MYLK: variants seen among roughly 807,000 people sequenced by gnomAD.
MYLK encodes myosin light chain kinase.
MYLK carries 106 observed loss-of-function variants against 203.4 expected under a neutral mutation model. The ratio of observed to expected loss-of-function variants is 0.52; its 90% confidence interval spans 0.45 to 0.61. The LOEUF (loss-of-function observed/expected upper bound fraction) is 0.61, where lower values mean the gene tolerates loss of function less well. Ranked by LOEUF, MYLK falls within the 20% of genes least tolerant of loss-of-function variation. The pLI is 0.00. For missense variants in MYLK, 2,072 were observed against 2,442.3 expected (o/e 0.85, Z 3.20); for synonymous variants, 867 against 959.5 (o/e 0.90, Z 1.78).
In MYLK at chr3:123,666,253, G is replaced by C; in HGVS notation, c.3797C>G (p.Pro1266Arg). The change falls in exon 22 of 34, where the codon CCC becomes CGC. Residue 1266 changes from proline (P) to arginine (R), a missense_variant. Transcript: ENST00000360304. ...ELFGKVTGTQ[P>R]ITCTWMKFRK... ...GAACTTCATCCAGGTACAGGTGATG[G>C]GCTGAGTGCCTGTCACTTTGCCAAA... 1 of 1,614,192 alleles carries C rather than the reference G, an allele frequency of 6.2e-7. No homozygotes were observed. The highest frequency in any genetic ancestry group is 8.5e-7 in the Non-Finnish European group (1 of 1,180,032).
At chr3:123,643,929 C>G (rs751432214) in intron 27 of MYLK, among the ~76,000 whole-genome samples, 6 of 152,238 alleles carry the variant, frequency 3.9e-5, no homozygotes, top group Non-Finnish European at 7.3e-5. Context: ...GTCTTCAATG[C>G]TCAGGGTCCC....
chr3:123,673,838 T>C (rs2059994108), intron 20 of MYLK, among the ~76,000 whole-genome samples: 1 of 152,198 alleles, frequency 6.6e-6, no homozygotes, highest in Non-Finnish European at 1.5e-5. Context: ...AACTCCATGA[T>C]GGCTGCTGGC....
chr3:123,758,062 AAAG>A (rs1312847816), intron 4 of MYLK, among the ~76,000 whole-genome samples: 2 of 152,164 alleles, frequency 1.3e-5, no homozygotes, highest in East Asian at 1.9e-4. Flanking sequence ...CAAAAAAAAA[AAAG>A]AAGGAAAACA....
intron 2 of MYLK, among the ~76,000 whole-genome samples, chr3:123,847,398 C>G (rs1432440164): frequency 6.6e-6 from 1 of 152,090 alleles, no homozygotes; most frequent in Non-Finnish European, 1.5e-5. Flanking sequence ...CTTCAATATT[C>G]ACATTTTTCT....
intron 4 of MYLK, among the ~76,000 whole-genome samples, chr3:123,759,211 C>T (rs2063457484): frequency 6.6e-6 from 1 of 152,178 alleles, no homozygotes; most frequent in Non-Finnish European, 1.5e-5. Flanking sequence ...CATAGCAAAA[C>T]AGATGTCCTT....
chr3:123,682,423 T>C (rs2060301321), intron 19 of MYLK, 113 bp from the exon 20 acceptor site: 2 of 839,770 alleles, frequency 2.4e-6, no homozygotes, highest in South Asian at 1.4e-5. Flanking sequence ...CTGAGGGCCC[T>C]TTGTGCCCGC....
At chr3:123,768,532 C>T (rs1332862205) in intron 4 of MYLK, among the ~76,000 whole-genome samples, 1 of 152,242 alleles carries the variant, frequency 6.6e-6, no homozygotes, top group Non-Finnish European at 1.5e-5. Flanking sequence ...GCCACTGCTG[C>T]TCCTGGCCCT....
In MYLK at chr3:123,705,532, G is replaced by T. The variant is rs528310386; in HGVS notation, c.2390+2222C>A. Among the ~76,000 whole-genome samples the T allele has an allele frequency of 2.0e-5, 3 of 152,322 alleles. No individual in the cohort carries two copies. The East Asian group carries it at 5.8e-4, about 29-fold the overall frequency. ...CTTGCCTTTGGATGGCCACAAGCAA[G>T]TCCACGACCCTGAGACCTCAGTGTC... On this transcript the variant is annotated intron_variant, in intron 16 of 33. Coordinates refer to ENST00000360304, the MANE Select transcript of MYLK (RefSeq NM_053025.4).
At chr3:123,716,346 T>C (rs533174074) in intron 13 of MYLK, 3 of 152,358 alleles carry the variant, frequency 2.0e-5, no homozygotes, top group African/African-American at 7.2e-5. Context: ...AAACAGAACC[T>C]TCTTGAAGTC....
chr3:123,794,581 T>C (rs1347066114), intron 3 of MYLK, among the ~76,000 whole-genome samples: 1 of 152,098 alleles, frequency 6.6e-6, no homozygotes, highest in Non-Finnish European at 1.5e-5. Context: ...AGCAAAATGA[T>C]GGTATCACTG....
At chr3:123,624,050 A>G (rs1020594731) in intron 31 of MYLK, 1 of 152,192 alleles carries the variant, frequency 6.6e-6, no homozygotes, top group Non-Finnish European at 1.5e-5. Context: ...TGATTAAAAT[A>G]TCAGCATAGG....
chr3:123,880,635 G>T (rs1489182917), intron 1 of MYLK, among the ~76,000 whole-genome samples: 1 of 150,446 alleles, frequency 6.6e-6, no homozygotes, highest in Non-Finnish European at 1.5e-5. Flanking sequence ...ACAGAGGGGG[G>T]ATGGGGACAA....
At chr3:123,643,581 CT>C (rs1292151807) in intron 27 of MYLK, among the ~76,000 whole-genome samples, 1 of 152,216 alleles carries the variant, frequency 6.6e-6, no homozygotes, top group Non-Finnish European at 1.5e-5. Context: ...CTTCAAAATA[CT>C]TAATGCTATG....
intron 20 of MYLK, among the ~76,000 whole-genome samples, chr3:123,678,131 C>CA (rs571595191): frequency 1.3e-5 from 2 of 151,780 alleles, no homozygotes; most frequent in African/African-American, 2.4e-5. Context: ...GCTGAAGTGA[C>CA]ATAGATCGAG....
intron 19 of MYLK, among the ~76,000 whole-genome samples, chr3:123,687,284 G>A (rs1374720510): frequency 1.3e-5 from 2 of 152,140 alleles, no homozygotes; most frequent in Non-Finnish European, 2.9e-5. Context: ...CAGGGCTGAG[G>A]CCAAGAAAGG....
At chr3:123,751,369 A>G (rs549366431) in intron 5 of MYLK, among the ~76,000 whole-genome samples, 1 of 152,354 alleles carries the variant, frequency 6.6e-6, no homozygotes, top group African/African-American at 2.4e-5. Context: ...TTTTAAAGTT[A>G]ACAGAATTTT....
intron 24 of MYLK, among the ~76,000 whole-genome samples, chr3:123,653,610 T>C (rs1337651584): frequency 1.3e-5 from 2 of 152,118 alleles, no homozygotes; most frequent in South Asian, 2.1e-4. Flanking sequence ...CAGAGAGGGT[T>C]CAGCGGGCTG....
intron 3 of MYLK, among the ~76,000 whole-genome samples, chr3:123,798,979 G>C (rs540934321): frequency 6.6e-6 from 1 of 152,186 alleles, no homozygotes; most frequent in African/African-American, 2.4e-5. Context: ...GAAAACCAGA[G>C]AGGTTGGGTG....
chr3:123,848,636 G>A (rs918950457), intron 2 of MYLK, among the ~76,000 whole-genome samples: 4 of 152,088 alleles, frequency 2.6e-5, no homozygotes, highest in Admixed American at 2.0e-4. Flanking sequence ...TCTAATTAAA[G>A]GTAGCCAACT....
Sources: gnomAD v4.1 joint callset for allele counts (sites outside exome capture counted in the v4.1 genomes callset) on GRCh38, gnomAD v4.1.1 for gene constraint, MANE v1.5 for transcripts, NCBI Gene and HGNC (gene_info 2026-07-23, HGNC 2026-07-21) for gene names.